CYTH3: variants seen among roughly 807,000 people sequenced by gnomAD.
CYTH3 encodes cytohesin-3.
Under a neutral mutation model 55.1 loss-of-function variants are expected in CYTH3, and 23 were observed. That is an observed-to-expected ratio of 0.42 (90% CI 0.30 to 0.59). CYTH3 has a LOEUF of 0.59. CYTH3 is among the 20% of genes least tolerant of loss of function. The pLI is 0.20. For missense variants in CYTH3, 413 were observed against 524.8 expected (o/e 0.79, Z 2.08); for synonymous variants, 249 against 194.9 (o/e 1.28, Z -2.31).
intron 1 of CYTH3, among the ~76,000 whole-genome samples, chr7:6,270,525 G>T (rs944650372): frequency 2.0e-5 from 3 of 152,158 alleles, no homozygotes; most frequent in Admixed American, 6.5e-5. Context: ...AATATAAAAA[G>T]AAAATAAAAT....
chr7:6,194,368 G>A (rs533906071), intron 1 of CYTH3, among the ~76,000 whole-genome samples: 2 of 152,058 alleles, frequency 1.3e-5, no homozygotes, highest in East Asian at 1.9e-4. Context: ...TGGGAGGATC[G>A]CTTGAGCTCA....
At chr7:6,268,595 T>G (rs1780570688) in intron 1 of CYTH3, among the ~76,000 whole-genome samples, 1 of 152,222 alleles carries the variant, frequency 6.6e-6, no homozygotes, top group Non-Finnish European at 1.5e-5. Context: ...GATAAGTCTC[T>G]TGCTTGCTGA....
chr7:6,208,006 CT>C (rs1019590021), intron 1 of CYTH3, among the ~76,000 whole-genome samples: 43 of 152,148 alleles, frequency 2.8e-4, no homozygotes, highest in African/African-American at 1.0e-3. Context: ...AATAACTGTT[CT>C]ATAGGATGAT....
intron 2 of CYTH3, among the ~76,000 whole-genome samples, chr7:6,189,819 G>A (rs905262981): frequency 5.9e-5 from 9 of 151,996 alleles, no homozygotes; most frequent in Non-Finnish European, 1.2e-4. Context: ...AGCGGATCAC[G>A]AGGTCAGGAG....
intron 1 of CYTH3, among the ~76,000 whole-genome samples, chr7:6,237,931 C>T (rs1206118072): frequency 1.3e-5 from 2 of 152,180 alleles, no homozygotes; most frequent in African/African-American, 4.8e-5. Context: ...AAGTATCATC[C>T]TATAATGCTA....
At position 6,170,821 on chromosome 7, in the gene CYTH3, G is replaced by A. The variant is rs781548258; in HGVS notation, c.711+9C>T. ...GCAGACGGCAGCGGCCGCGGGCCGGGGAGCTCACCCTCAGCAGCTCCTCAG... is the reference window on the plus strand; with the variant it reads ...GCAGACGGCAGCGGCCGCGGGCCGGAGAGCTCACCCTCAGCAGCTCCTCAG... On this transcript the variant is annotated intron_variant, in intron 8 of 12. Coordinates refer to ENST00000350796, the MANE Select transcript of CYTH3 (RefSeq NM_004227.4). The surrounding 1 kb of genome is among the most constrained non-coding windows in gnomAD (Gnocchi z 7.8). The A allele has an allele frequency of 2.5e-6, 4 of 1,607,926 alleles. No homozygotes were observed. Among genetic ancestry groups the A allele is most frequent in the Admixed American group, 3.4e-5 (2 of 59,478 alleles).
Position 6,201,141 on chromosome 7 carries a change from G to C in CYTH3, c.35-10610C>G, listed in dbSNP as rs1319974193. ...AGAACAAAAGGGCAGGCTCTGAGCT[G>C]CCAGGGGCTGCGCTCTGCCTCTCCT... On this transcript the variant is annotated intron_variant, in intron 1 of 12. Coordinates refer to ENST00000350796, the MANE Select transcript of CYTH3 (RefSeq NM_004227.4). Among the ~76,000 whole-genome samples the C allele has an allele frequency of 2.0e-5, 3 of 152,222 alleles. 1 individual carries two copies. Among genetic ancestry groups the C allele is most frequent in the Non-Finnish European group, 4.4e-5 (3 of 68,036 alleles).
chr7:6,206,502 T>C (rs536949941), intron 1 of CYTH3, among the ~76,000 whole-genome samples: 66 of 152,260 alleles, frequency 4.3e-4, no homozygotes, highest in Non-Finnish European at 8.1e-4. Context: ...CCTCCTGTGA[T>C]GTTGCACATG....
intron 2 of CYTH3, 147 bp downstream of exon 2, chr7:6,190,302 G>A (rs1783767993): frequency 4.1e-6 from 3 of 729,812 alleles, no homozygotes; most frequent in South Asian, 3.8e-5. Context: ...GTTCTTATAT[G>A]CACACACTAA....
chr7:6,202,344 C>T (rs1200202119), intron 1 of CYTH3, among the ~76,000 whole-genome samples: 1 of 152,232 alleles, frequency 6.6e-6, no homozygotes, highest in Non-Finnish European at 1.5e-5. Flanking sequence ...CGGGCTCAGC[C>T]CCCGGCTGGC....
At chr7:6,205,875 TAAAAAAAAAAAAA>T (rs370194149) in intron 1 of CYTH3, among the ~76,000 whole-genome samples, 12 of 28,092 alleles carry the variant, frequency 4.3e-4, no homozygotes, top group Middle Eastern at 0.017. Context: ...TCCTATCTCT[TAAAAAAAAAAAAA>T]AAAAAAAAAA....
Position 6,202,307 on chromosome 7 carries a change from C to G in CYTH3, c.35-11776G>C, listed in dbSNP as rs552113785. On this transcript the variant is annotated intron_variant, in intron 1 of 12. Coordinates refer to ENST00000350796, the MANE Select transcript of CYTH3 (RefSeq NM_004227.4). ...GCAGCACCTCAGCCAAGGCCCCAGA[C>G]GAACGCGTAAGTGAAGTCATCTGGG... Among the ~76,000 whole-genome samples the G allele has an allele frequency of 7.9e-5, 12 of 152,288 alleles. No homozygotes were observed. In the South Asian group the frequency reaches 8.3e-4, roughly 11 times the overall value.
At position 6,238,047 on chromosome 7, in the gene CYTH3, T is replaced by C. The variant is rs1018263551; in HGVS notation, c.34+34427A>G. Among the ~76,000 whole-genome samples the C allele has an allele frequency of 3.3e-5, 5 of 152,336 alleles. No individual in the cohort carries two copies. In the East Asian group the frequency reaches 9.6e-4, roughly 29 times the overall value. On this transcript the variant is annotated intron_variant, in intron 1 of 12. Transcript: ENST00000350796. Reference sequence around the variant, plus strand: ...CCACTCATTGTAACATTCTAATTTATAGAAGAAAATGCATTTTAAATATCC... The same window carrying C: ...CCACTCATTGTAACATTCTAATTTACAGAAGAAAATGCATTTTAAATATCC...
Position 6,170,766 on chromosome 7 carries a change from C to A in CYTH3, c.711+64G>T. On this transcript the variant is annotated intron_variant, in intron 8 of 12. Transcript: ENST00000350796. The surrounding 1 kb of genome is among the most constrained non-coding windows in gnomAD (Gnocchi z 7.8). ...TGGGAGGCGTGTCTAGAGCCGCGGG[C>A]GCTGCGGCCGCTCACAGCGAAGAGA... is the stretch of plus-strand genomic sequence containing the variant. The A allele has an allele frequency of 1.9e-6, 3 of 1,570,958 alleles. No individual in the cohort carries two copies. The highest frequency in any genetic ancestry group is 2.3e-5 in the East Asian group (1 of 43,314).
chr7:6,237,674 A>C (rs992061318), intron 1 of CYTH3, among the ~76,000 whole-genome samples: 1 of 152,092 alleles, frequency 6.6e-6, no homozygotes, highest in African/African-American at 2.4e-5. Flanking sequence ...GCGCCACTGC[A>C]CTCCAGCCTG....
intron 1 of CYTH3, among the ~76,000 whole-genome samples, chr7:6,255,756 CTGTTTT>C (rs112123762): frequency 2.8e-3 from 351 of 126,380 alleles, no homozygotes; most frequent in African/African-American, 0.012. Context: ...GACCTTTAAT[CTGTTTT>C]TTTTTTTTTT....
chr7:6,259,796 TATA>T lies in CYTH3; in HGVS notation c.34+12675_34+12677del, dbSNP rs1182323507. On this transcript the variant is annotated intron_variant, in intron 1 of 12. Transcript: ENST00000350796. ...ATTATATATATATAATATATATATATATATATATATATATATAATATATATATA... is the reference window on the plus strand; with the variant it reads ...ATTATATATATATAATATATATATATTATATATATATATAATATATATATA... Among the ~76,000 whole-genome samples the T allele has an allele frequency of 2.3e-4, 5 of 21,842 alleles. 1 individual carries two copies. The highest frequency in any genetic ancestry group is 3.3e-4 in the Non-Finnish European group (5 of 15,318). The allele number at this position is 21,842 out of a possible 152,430, so 14.3% of individuals were successfully genotyped here.
At chr7:6,207,317 A>G (rs1784215923) in intron 1 of CYTH3, among the ~76,000 whole-genome samples, 1 of 152,004 alleles carries the variant, frequency 6.6e-6, no homozygotes, top group Non-Finnish European at 1.5e-5. Flanking sequence ...GATGGTCTCT[A>G]TCTCCTGACC....
At chr7:6,220,504 T>C (rs906978911) in intron 1 of CYTH3, among the ~76,000 whole-genome samples, 2 of 151,550 alleles carry the variant, frequency 1.3e-5, no homozygotes, top group Admixed American at 1.3e-4. Flanking sequence ...TTAAAAACTT[T>C]TGCTCTGCAA....
Sources: gnomAD v4.1 joint callset for allele counts (sites outside exome capture counted in the v4.1 genomes callset) on GRCh38, gnomAD v4.1.1 for gene constraint, Gnocchi (gnomAD v3.1) non-coding constraint, MANE v1.5 for transcripts, NCBI Gene and HGNC (gene_info 2026-07-23, HGNC 2026-07-21) for gene names.